Variants in IBA57 observed in about 807,000 individuals in gnomAD.
IBA57 encodes iron-sulfur cluster assembly factor IBA57.
IBA57 carries 20 observed loss-of-function variants against 20.4 expected under a neutral mutation model. The ratio of observed to expected loss-of-function variants is 0.98; its 90% CI spans 0.69 to 1.42. IBA57 has a LOEUF of 1.42. Ranked by LOEUF, IBA57 falls within the 40% of genes most tolerant of loss-of-function variation. The pLI is 0.00. For missense variants in IBA57, 608 were observed against 499.3 expected, an observed-to-expected ratio of 1.22 and a Z score of -2.07; for synonymous variants, 310 against 233.9, an observed-to-expected ratio of 1.33 and a Z score of -2.97.
At position 228,178,846 on chromosome 1, in the gene IBA57, C is replaced by G. The variant is rs1474667691; in HGVS notation, c.*3333C>G. The G allele has an allele frequency of 1.3e-5, 2 of 152,226 alleles. No homozygotes were observed. The highest frequency in any genetic ancestry group is 2.9e-5 in the Non-Finnish European group (2 of 68,070). The allele number at this position is 152,226 out of a possible 1,614,324, so 9.4% of individuals were successfully genotyped here. On this transcript the variant is annotated 3_prime_UTR_variant, in exon 3 of 3. Transcript: ENST00000366711. ...AGGCAGGAGCCTGGGAGAGCCTCTGCTAGACCTTTCCTGGCACTTCCCCAG... is the reference window on the plus strand; with the variant it reads ...AGGCAGGAGCCTGGGAGAGCCTCTGGTAGACCTTTCCTGGCACTTCCCCAG...
chr1:228,179,783 A>G lies in IBA57; in HGVS notation c.*4270A>G, dbSNP rs1294251569. 2 of 150,204 alleles carry G rather than the reference A, an allele frequency of 1.3e-5. No homozygotes were observed. Among genetic ancestry groups the G allele is most frequent in the Non-Finnish European group, 2.9e-5 (2 of 68,036 alleles). 9.3% of individuals were successfully genotyped at this position (150,204 alleles called of 1,614,324 possible). A position where few individuals can be genotyped will look rare whatever the true frequency, so the allele number is the denominator to read the frequency against. ...GATTAAAAGCAACAGTGGAAGCCAG[A>G]AAGATAGTAAATAATATCTTCAAAG... On this transcript the variant is annotated 3_prime_UTR_variant, in exon 3 of 3. Coordinates refer to ENST00000366711, the MANE Select transcript of IBA57 (RefSeq NM_001010867.4).
chr1:228,166,238 G>T, intron 1 of IBA57, 81 bp downstream of exon 1: 1 of 853,312 alleles, frequency 1.2e-6, no homozygotes, highest in Middle Eastern at 4.4e-4. Context: ...CAGGGCGGGC[G>T]CCCGGGGCCT....
chr1:228,166,765 C>G (rs1240808024), intron 1 of IBA57, among the ~76,000 whole-genome samples: 6 of 152,316 alleles, frequency 3.9e-5, no homozygotes, highest in Middle Eastern at 3.4e-3. Context: ...TGCTTACAGC[C>G]TTGGGTTTCC....
At chr1:228,166,991 GCTTTAC>G (rs1400162342) in intron 1 of IBA57, among the ~76,000 whole-genome samples, 3 of 152,160 alleles carry the variant, frequency 2.0e-5, no homozygotes, top group African/African-American at 7.2e-5. Flanking sequence ...TCTGCTAGTG[GCTTTAC>G]CTGATATCCT....
chr1:228,178,102 C>T lies in IBA57; in HGVS notation c.*2589C>T, dbSNP rs1461541516. On this transcript the variant is annotated 3_prime_UTR_variant, in exon 3 of 3. Coordinates refer to ENST00000366711, the MANE Select transcript of IBA57 (RefSeq NM_001010867.4). ...GTGCAGTCTGGGCTTCTTACCCTCA[C>T]ACCTCCTGCCTCCCCTCGTTAGAGT... 2 of 152,198 alleles carry T rather than the reference C, an allele frequency of 1.3e-5. No homozygotes were observed. The highest frequency in any genetic ancestry group is 6.6e-5 in the Admixed American group (1 of 15,266). 9.4% of individuals were successfully genotyped at this position (152,198 alleles called of 1,614,324 possible).
At chr1:228,171,936 C>T (rs1424456264) in intron 1 of IBA57, 1 of 152,272 alleles carries the variant, frequency 6.6e-6, no homozygotes, top group Non-Finnish European at 1.5e-5. Flanking sequence ...GCTGACCCCA[C>T]TATAGATTTT....
At position 228,176,852 on chromosome 1, in the gene IBA57, G is replaced by C. The variant is rs2035032534; in HGVS notation, c.*1339G>C. On this transcript the variant is annotated 3_prime_UTR_variant, in exon 3 of 3. Coordinates refer to ENST00000366711, the MANE Select transcript of IBA57 (RefSeq NM_001010867.4). ...GGATGGACGGGAGGAAGCGGCTGCA[G>C]CTGGAGGGAAGAGAGGGGCCGTCCA... is the stretch of plus-strand genomic sequence containing the variant. 6.6e-6 allele frequency: 1 copy of C among 152,018 alleles called. No individual in the cohort carries two copies. The highest frequency in any genetic ancestry group is 1.5e-5 in the Non-Finnish European group (1 of 68,142). The allele number at this position is 152,018 out of a possible 1,614,324, so 9.4% of individuals were successfully genotyped here.
chr1:228,165,932 G>A lies in IBA57; in HGVS notation c.116G>A (p.Gly39Asp), dbSNP rs769076384. 1.3e-6 allele frequency: 2 copies of A among 1,500,138 alleles called. No individual in the cohort carries two copies. The highest frequency in any genetic ancestry group is 1.2e-5 in the South Asian group (1 of 80,044). 92.9% of individuals were successfully genotyped at this position (1,500,138 alleles called of 1,614,324 possible). A position where few individuals can be genotyped will look rare whatever the true frequency, so the allele number is the denominator to read the frequency against. The change falls in exon 1 of 3, where the codon GGT becomes GAT. Residue 39 changes from glycine to aspartate, a missense_variant. Transcript: ENST00000366711. ...CRLAHSSCSP[G>D]GDPTAGAAWA... is the part of the protein sequence containing the mutation. ...CTGGCCCACAGCTCCTGCAGTCCTG[G>A]TGGCGACCCAACGGCCGGAGCGGCC... is the stretch of plus-strand genomic sequence containing the variant.
intron 1 of IBA57, 52 bp from the exon 2 acceptor site, chr1:228,174,640 C>T: frequency 6.9e-7 from 1 of 1,451,694 alleles, no homozygotes; most frequent in Non-Finnish European, 9.1e-7. Flanking sequence ...GCAGCCCTTT[C>T]TGGCCCACTC....
In IBA57 at chr1:228,175,389, A is replaced by C. The variant is rs200319163; in HGVS notation, c.947A>C (p.Asn316Thr). Residue 316 changes from asparagine (N) to threonine (T), a missense_variant, in exon 3 of 3, where the codon AAC becomes ACC. Asn to Thr is a moderately conservative substitution (Grantham distance 65, BLOSUM62 0). Coordinates refer to ENST00000366711, the MANE Select transcript of IBA57 (RefSeq NM_001010867.4). The stretch of plus-strand genomic sequence containing the variant: ...GGCAAGTTCAGGGCTGGCCAGGGCA[A>C]CGTGGGGCTGGCCCTGCTGTGGTCA... ...TVGKFRAGQG[N>T]VGLALLWSEK... 182 of 1,612,910 alleles carry C rather than the reference A, an allele frequency of 1.1e-4. No homozygotes were observed. In the East Asian group the frequency reaches 3.7e-3, roughly 33 times the overall value.
chr1:228,166,258 G>T, intron 1 of IBA57, 101 bp downstream of exon 1: 1 of 803,170 alleles, frequency 1.2e-6, no homozygotes, highest in Non-Finnish European at 1.8e-6. Flanking sequence ...TGCAGAGGGC[G>T]TGGGGGGTGG....
Position 228,166,092 on chromosome 1 carries a change from G to T in IBA57, c.276G>T (p.Ala92=). The change falls in exon 1 of 3, where the codon GCG becomes GCT. Residue 92 remains alanine (A), a synonymous_variant. Transcript: ENST00000366711. The part of the protein sequence containing the change: ...SPAAAGAPPA[A]RAGYAHFLNV... ...CGGCCGCGGGGGCCCCGCCTGCTGC[G>T]CGCGCGGGCTACGCCCACTTCCTGA... 2 of 1,536,026 alleles carry T rather than the reference G, an allele frequency of 1.3e-6. No homozygotes were observed. Among genetic ancestry groups the T allele is most frequent in the South Asian group, 1.2e-5 (1 of 82,282 alleles).
Position 228,174,692 on chromosome 1 carries a change from G to T in IBA57, c.342G>T (p.Gly114=). Residue 114 remains glycine, a splice_region_variant and synonymous_variant, in exon 2 of 3, where the codon GGG becomes GGT. Transcript: ENST00000366711. ...GRTLYDVILY[G]LQEHSEVSGF... Reference sequence around the variant, plus strand: ...TGCGCCCCTGCCTCTCTCCCTGCAGGCTCCAGGAACACTCGGAGGTGTCTG... The same window carrying T: ...TGCGCCCCTGCCTCTCTCCCTGCAGTCTCCAGGAACACTCGGAGGTGTCTG... 6.5e-7 allele frequency: 1 copy of T among 1,548,274 alleles called. No homozygotes were observed.
rs1448823047 is a variant in IBA57 at position 228,174,154 on chromosome 1, T to C, written c.342-538T>C. ...CTGTGGGCGTGGCTCGCTGTGGGCG[T>C]GGCTCGCTGTGGGCGTGGCTCGCTG... On this transcript the variant is annotated intron_variant, in intron 1 of 2. Coordinates refer to ENST00000366711, the MANE Select transcript of IBA57 (RefSeq NM_001010867.4). Among the ~76,000 whole-genome samples, 320 of 134,758 alleles carry C rather than the reference T, an allele frequency of 2.4e-3. 25 individuals are homozygous for C. The highest frequency in any genetic ancestry group is 8.2e-3 in the African/African-American group (284 of 34,622). 88.4% of individuals were successfully genotyped at this position (134,758 alleles called of 152,430 possible).
rs1246657515 is a variant in IBA57, at chr1:228,170,614, A to G, written c.342-4078A>G. Among the ~76,000 whole-genome samples, 1 of 152,090 alleles carries G rather than the reference A, an allele frequency of 6.6e-6. No individual in the cohort carries two copies. The highest frequency in any genetic ancestry group is 2.4e-5 in the African/African-American group (1 of 41,408). ...GGCCTCCTTAGGGTCCCTTTCTATCAGTTGGTTTTGATCTCTCTTCATGTA... is the reference window on the plus strand; with the variant it reads ...GGCCTCCTTAGGGTCCCTTTCTATCGGTTGGTTTTGATCTCTCTTCATGTA... On this transcript the variant is annotated intron_variant, in intron 1 of 2. Transcript: ENST00000366711. This position sits in a 1 kb window ranked among gnomAD's most constrained non-coding sequence, Gnocchi z 4.8.
intron 1 of IBA57, among the ~76,000 whole-genome samples, chr1:228,167,043 C>T (rs1320162845): frequency 2.0e-5 from 3 of 152,186 alleles, no homozygotes; most frequent in Non-Finnish European, 2.9e-5. Context: ...AAATTGTCAC[C>T]GACAATGTTC....
At chr1:228,174,049 G>T (rs555231396) in intron 1 of IBA57, among the ~76,000 whole-genome samples, 106 of 152,334 alleles carry the variant, frequency 7.0e-4, no homozygotes, top group Middle Eastern at 3.4e-3. Context: ...GGCACTCTGC[G>T]CTGGTCTCCA....
chr1:228,174,212 T>C (rs1208840509), intron 1 of IBA57, among the ~76,000 whole-genome samples: 4 of 7,496 alleles, frequency 5.3e-4, no homozygotes, highest in South Asian at 3.0e-3. Flanking sequence ...TGGCTCGCTG[T>C]GGGCGTGGCT....
At position 228,176,172 on chromosome 1, in the gene IBA57, G is replaced by A. The variant is rs1483310161; in HGVS notation, c.*659G>A. On this transcript the variant is annotated 3_prime_UTR_variant, in exon 3 of 3. Coordinates refer to ENST00000366711, the MANE Select transcript of IBA57 (RefSeq NM_001010867.4). ...TGTTCCTCCTCAGAGCCCTCCAGGA[G>A]CGTGGGGTGGGGGCCAGCGCAGGGC... The A allele has an allele frequency of 6.6e-6, 1 of 152,582 alleles. No homozygotes were observed. The highest frequency in any genetic ancestry group is 2.4e-5 in the African/African-American group (1 of 41,472). 9.5% of individuals were successfully genotyped at this position (152,582 alleles called of 1,614,324 possible). A position where few individuals can be genotyped will look rare whatever the true frequency, so the allele number is the denominator to read the frequency against.
Sources: allele counts gnomAD v4.1 joint callset (sites outside exome capture counted in the v4.1 genomes callset), GRCh38; gene constraint gnomAD v4.1.1; non-coding constraint Gnocchi (gnomAD v3.1); transcripts MANE v1.5; gene names NCBI Gene and HGNC (gene_info 2026-07-23, HGNC 2026-07-21).